Variants in HDAC4 observed in about 807,000 individuals in gnomAD.
HDAC4 encodes histone deacetylase A.
Under a neutral mutation model 135.1 loss-of-function variants are expected in HDAC4, and 16 were observed. The ratio of observed to expected loss-of-function variants is 0.12; its 90% CI spans 0.08 to 0.18. The LOEUF (loss-of-function observed/expected upper bound fraction) is 0.18. Among genes scored for constraint, HDAC4 ranks in the 10% least tolerant of loss-of-function variants. The pLI is 1.00. For synonymous variants in HDAC4, 685 were observed against 653.4 expected (o/e 1.05, Z -0.74); for missense variants, 1,143 against 1,511.8 (o/e 0.76, Z 4.05).
chr2:239,363,184 G>C (rs1429508758), intron 1 of HDAC4, among the ~76,000 whole-genome samples: 1 of 152,212 alleles, frequency 6.6e-6, no homozygotes, highest in Non-Finnish European at 1.5e-5. Flanking sequence ...TATACCATGT[G>C]CATGGACCGG....
intron 2 of HDAC4, among the ~76,000 whole-genome samples, chr2:239,280,607 GGAGGCTC>G (rs1260525092): frequency 6.6e-6 from 1 of 152,116 alleles, no homozygotes; most frequent in Non-Finnish European, 1.5e-5. Context: ...GCCTCTGCCA[GGAGGCTC>G]GGGGGCCTCT....
rs1271288781 is a variant in HDAC4 at position 239,177,104 on chromosome 2, G to A, written c.340-541C>T. 2.0e-5 allele frequency among the ~76,000 whole-genome samples: 3 copies of A among 152,220 alleles called. No individual in the cohort carries two copies. In the East Asian group the frequency reaches 5.8e-4, roughly 29 times the overall value. On this transcript the variant is annotated intron_variant, in intron 4 of 26. Transcript: ENST00000543185. ...GTTCCCTCGAAGGTGGACACTTGGA[G>A]AAATGATGTGTGTTCATCAAAGAGA...
chr2:239,350,016 C>T (rs994549434), intron 2 of HDAC4, among the ~76,000 whole-genome samples: 4 of 152,156 alleles, frequency 2.6e-5, no homozygotes, highest in African/African-American at 9.7e-5. Flanking sequence ...TGAACCGCAG[C>T]GGCTGAAATT....
At chr2:239,335,015 A>G (rs1160396530) in intron 2 of HDAC4, among the ~76,000 whole-genome samples, 2 of 102,320 alleles carry the variant, frequency 2.0e-5, no homozygotes, top group African/African-American at 8.1e-5. Flanking sequence ...ACAGAGCAAG[A>G]CTCCATCTCA....
rs1178405383 is a variant in HDAC4 at position 239,262,749 on chromosome 2, C to T, written c.23-26085G>A. ...CGGGCACAGGGCATTCTGTGGGCCA[C>T]GCTCGCAGCCCAAGAACACAGACGA... is the stretch of plus-strand genomic sequence containing the variant. On this transcript the variant is annotated intron_variant, in intron 2 of 26. Transcript: ENST00000543185. This position sits in a 1 kb window ranked among gnomAD's most constrained non-coding sequence, Gnocchi z 4.1. 2.0e-5 allele frequency among the ~76,000 whole-genome samples: 3 copies of T among 152,206 alleles called. No homozygotes were observed. The highest frequency in any genetic ancestry group is 1.9e-4 in the East Asian group (1 of 5,186).
chr2:239,353,283 G>A (rs529951043), intron 1 of HDAC4, among the ~76,000 whole-genome samples: 1 of 152,278 alleles, frequency 6.6e-6, no homozygotes, highest in Admixed American at 6.5e-5. Flanking sequence ...CCAAAGTGCT[G>A]GGATTACAGG....
chr2:239,085,884 T>C (rs1207259015), intron 19 of HDAC4: 2 of 149,046 alleles, frequency 1.3e-5, no homozygotes, highest in South Asian at 2.1e-4. Flanking sequence ...GATCTGACTA[T>C]CTCTCACGTA....
At chr2:239,168,062 G>A (rs1044573603) in intron 5 of HDAC4, among the ~76,000 whole-genome samples, 2 of 152,214 alleles carry the variant, frequency 1.3e-5, no homozygotes, top group Non-Finnish European at 2.9e-5. Flanking sequence ...CAGAGCTGTG[G>A]CAGGTTCTGC....
Position 239,068,540 on chromosome 2 carries a change from C to G in HDAC4, c.2818G>C (p.Ala940Pro). 1 of 1,614,044 alleles carries G rather than the reference C, an allele frequency of 6.2e-7. No individual in the cohort carries two copies. Among genetic ancestry groups the G allele is most frequent in the Non-Finnish European group, 8.5e-7 (1 of 1,180,014 alleles). The part of the protein sequence containing the change: ...DVVLVSSGFD[A>P]VEGHPTPLGG... ...AGAGGGGTGGGGTGGCCCTCCACGG[C>G]ATCGAAGCCTGATGACACCAGCACC... The change falls in exon 23 of 27, where the codon GCC (alanine) becomes CCC (proline). Residue 940 changes from alanine to proline, a missense_variant. By Grantham distance (27) the Ala-to-Pro change is conservative. Around this residue, in one of 9 missense-constraint regions of HDAC4, gnomAD observed 189 missense variants for 317.6 expected, o/e 0.60. Coordinates refer to ENST00000543185, the MANE Select transcript of HDAC4 (RefSeq NM_001378414.1). This position sits in a 1 kb window ranked among gnomAD's most constrained non-coding sequence, Gnocchi z 4.4.
At chr2:239,271,893 T>A (rs2050079991) in intron 2 of HDAC4, among the ~76,000 whole-genome samples, 1 of 152,148 alleles carries the variant, frequency 6.6e-6, no homozygotes, top group African/African-American at 2.4e-5. Context: ...GAAAAGCCAC[T>A]ACAATGCTGC....
chr2:239,137,727 C>T (rs2041073257), intron 9 of HDAC4, among the ~76,000 whole-genome samples: 1 of 152,130 alleles, frequency 6.6e-6, no homozygotes, highest in South Asian at 2.1e-4. Flanking sequence ...GGCCATGAAG[C>T]ACAGGTGTTC....
chr2:239,128,506 C>T (rs986925294), intron 11 of HDAC4, among the ~76,000 whole-genome samples: 6 of 149,796 alleles, frequency 4.0e-5, no homozygotes, highest in Admixed American at 6.7e-5. Context: ...TCAGCCTGGG[C>T]GACAAACGAG....
chr2:239,176,605 CCACA>C lies in HDAC4; in HGVS notation c.340-46_340-43del, dbSNP rs753166195. ...GAGACAGACGGTCAGAGCCCAGGCT[CCACA>C]CACACACAGAGACCCAATGAAGACC... is the stretch of plus-strand genomic sequence containing the variant. On this transcript the variant is annotated intron_variant, in intron 4 of 26. Coordinates refer to ENST00000543185, the MANE Select transcript of HDAC4 (RefSeq NM_001378414.1). 3.7e-5 allele frequency: 58 copies of C among 1,584,620 alleles called. No individual in the cohort carries two copies. The Admixed American group carries it at 3.7e-4, about 10-fold the overall frequency.
intron 2 of HDAC4, among the ~76,000 whole-genome samples, chr2:239,311,154 C>A (rs1053287612): frequency 2.0e-5 from 3 of 152,156 alleles, no homozygotes; most frequent in Non-Finnish European, 2.9e-5. Context: ...ACTTTACAAC[C>A]CCGCAGAGTG....
intron 3 of HDAC4, chr2:239,191,019 C>T (rs1313187014): frequency 2.2e-6 from 1 of 463,576 alleles, no homozygotes; most frequent in Admixed American, 2.3e-5. Context: ...AGGGACATCC[C>T]AGCGTCACTT....
chr2:239,076,207 G>A (rs1288921401), intron 22 of HDAC4, among the ~76,000 whole-genome samples: 2 of 152,022 alleles, frequency 1.3e-5, no homozygotes, highest in African/African-American at 2.4e-5. Flanking sequence ...AACAGCAGGC[G>A]GGTGTTGGCC....
chr2:239,079,392 G>A (rs2035077487), intron 22 of HDAC4, among the ~76,000 whole-genome samples: 1 of 152,192 alleles, frequency 6.6e-6, no homozygotes, highest in Non-Finnish European at 1.5e-5. Flanking sequence ...CTCACTGCCG[G>A]AGCAGCCAAG....
intron 16 of HDAC4, among the ~76,000 whole-genome samples, chr2:239,096,418 CCACCA>C (rs2037056288): frequency 7.1e-6 from 1 of 140,950 alleles, no homozygotes; most frequent in Non-Finnish European, 1.5e-5. Context: ...CACCATCACC[CCACCA>C]CGGACGACTG....
chr2:239,184,055 C>T (rs1451588879), intron 4 of HDAC4, among the ~76,000 whole-genome samples: 3 of 120,974 alleles, frequency 2.5e-5, no homozygotes, highest in Non-Finnish European at 4.8e-5. Context: ...AAAAAGAGGC[C>T]AGCCTTGCTA....
Sources: allele counts gnomAD v4.1 joint callset (sites outside exome capture counted in the v4.1 genomes callset), GRCh38; gene constraint gnomAD v4.1.1; regional missense constraint gnomAD v4.1.1; non-coding constraint Gnocchi (gnomAD v3.1); transcripts MANE v1.5; gene names NCBI Gene and HGNC (gene_info 2026-07-23, HGNC 2026-07-21).